The following FNDC3B variants were observed in gnomAD, a reference collection of about 807,000 sequenced individuals.
FNDC3B encodes fibronectin type III domain-containing protein 3B.
In FNDC3B, 12 loss-of-function variants were observed where a neutral mutation model predicts 151.5. The observed-to-expected ratio is 0.08, with a 90% confidence interval of 0.05 to 0.13. The LOEUF (loss-of-function observed/expected upper bound fraction) is 0.13, where lower values mean the gene tolerates loss of function less well. Ranked by LOEUF, FNDC3B falls within the 10% of genes least tolerant of loss-of-function variation. The pLI is 1.00. For missense variants in FNDC3B, 1,214 were observed against 1,505.3 expected, an observed-to-expected ratio of 0.81 and a Z score of 3.20; for synonymous variants, 528 against 549.0, an observed-to-expected ratio of 0.96 and a Z score of 0.54.
rs1310526640 is a variant in FNDC3B, at chr3:172,341,115, A to T, written c.1855A>T (p.Asn619Tyr). 6.2e-7 allele frequency: 1 copy of T among 1,609,590 alleles called. No homozygotes were observed. The highest frequency in any genetic ancestry group is 8.5e-7 in the Non-Finnish European group (1 of 1,175,944). The change falls in exon 17 of 26, where the codon AAT becomes TAT. Residue 619 changes from asparagine (N) to tyrosine (Y), a missense_variant and splice_region_variant. Around this residue, in one of 7 missense-constraint regions of FNDC3B, gnomAD observed 380 missense variants for 420.9 expected, o/e 0.90. Transcript: ENST00000415807. ...CATGCATAAGTCTTGTTTTACAGCG[A>T]ATCAGTGGGAAGTGGCCTACAGTGG... Reference protein sequence around the residue: ...LEITDGNSEANQWEVAYSGSA... With the variant: ...LEITDGNSEAYQWEVAYSGSA...
chr3:172,077,162 A>G (rs901828297), intron 1 of FNDC3B, among the ~76,000 whole-genome samples: 1 of 151,852 alleles, frequency 6.6e-6, no homozygotes, highest in Non-Finnish European at 1.5e-5. Flanking sequence ...TAAAAAAAAT[A>G]AAAAAAAGTG....
chr3:172,108,294 G>T (rs1170793769), intron 1 of FNDC3B, among the ~76,000 whole-genome samples: 1 of 152,162 alleles, frequency 6.6e-6, no homozygotes, highest in African/African-American at 2.4e-5. Context: ...AAACTGTCCT[G>T]AAATCCCTAA....
At chr3:172,098,097 C>T (rs1420569121) in intron 1 of FNDC3B, among the ~76,000 whole-genome samples, 2 of 151,630 alleles carry the variant, frequency 1.3e-5, no homozygotes, top group South Asian at 2.1e-4. Context: ...ATTTAATGGC[C>T]GTAAGATAAC....
chr3:172,347,190 A>G (rs79551426), intron 20 of FNDC3B, 22 bp from the exon 21 acceptor site: 78 of 1,600,124 alleles, frequency 4.9e-5, no homozygotes, highest in Non-Finnish European at 6.5e-5. Context: ...ATTATTAACT[A>G]CTTCCATTTC....
intron 2 of FNDC3B, among the ~76,000 whole-genome samples, chr3:172,113,175 A>G (rs1354266223): frequency 1.3e-5 from 2 of 152,234 alleles, no homozygotes; most frequent in Non-Finnish European, 2.9e-5. Context: ...ACAAATTATT[A>G]GGGATTGAAC....
chr3:172,137,885 T>C (rs1049371000), intron 3 of FNDC3B, among the ~76,000 whole-genome samples: 4 of 152,178 alleles, frequency 2.6e-5, no homozygotes, highest in African/African-American at 9.7e-5. Context: ...CTTGGCCAGA[T>C]CAAAGTGTAT....
intron 9 of FNDC3B, among the ~76,000 whole-genome samples, chr3:172,301,378 G>C (rs1730903307): frequency 6.6e-6 from 1 of 152,172 alleles, no homozygotes; most frequent in Non-Finnish European, 1.5e-5. Context: ...AAAACAAGGA[G>C]CAAAATCTCT....
intron 22 of FNDC3B, among the ~76,000 whole-genome samples, chr3:172,360,152 C>CT (rs1734294027): frequency 6.6e-6 from 1 of 152,132 alleles, no homozygotes; most frequent in East Asian, 1.9e-4. Flanking sequence ...CCTGCCAGCA[C>CT]TTTTTTAACA....
intron 23 of FNDC3B, among the ~76,000 whole-genome samples, chr3:172,367,182 A>G (rs1358870207): frequency 6.6e-6 from 1 of 152,240 alleles, no homozygotes; most frequent in African/African-American, 2.4e-5. Flanking sequence ...TGGAAGCCAC[A>G]TATATAAGGC....
chr3:172,221,431 A>G (rs1726274549), intron 3 of FNDC3B, among the ~76,000 whole-genome samples: 1 of 146,988 alleles, frequency 6.8e-6, no homozygotes, highest in Non-Finnish European at 1.5e-5. Flanking sequence ...GTCCCTAGAC[A>G]GCAGCATCCA....
intron 22 of FNDC3B, among the ~76,000 whole-genome samples, chr3:172,356,473 T>A (rs1465780504): frequency 6.6e-6 from 1 of 152,204 alleles, no homozygotes; most frequent in African/African-American, 2.4e-5. Flanking sequence ...AACTCAAAGA[T>A]GGGTTGTGAC....
chr3:172,291,271 C>T (rs934988080), intron 7 of FNDC3B, among the ~76,000 whole-genome samples: 4 of 152,140 alleles, frequency 2.6e-5, no homozygotes, highest in Non-Finnish European at 4.4e-5. Context: ...AATAAATAGA[C>T]GAGTGATTTC....
intron 19 of FNDC3B, among the ~76,000 whole-genome samples, chr3:172,344,731 G>A (rs1733521144): frequency 6.6e-6 from 1 of 152,174 alleles, no homozygotes; most frequent in Non-Finnish European, 1.5e-5. Flanking sequence ...AAAACTACAG[G>A]ACTCTCTCCT....
At chr3:172,045,761 T>C (rs994255469) in intron 1 of FNDC3B, among the ~76,000 whole-genome samples, 1 of 130,850 alleles carries the variant, frequency 7.6e-6, no homozygotes, top group Non-Finnish European at 1.6e-5. Flanking sequence ...TTTAGTTTAC[T>C]GAGTGTCTCT....
chr3:172,072,384 T>C (rs1175670777), intron 1 of FNDC3B, among the ~76,000 whole-genome samples: 1 of 151,896 alleles, frequency 6.6e-6, no homozygotes, highest in Non-Finnish European at 1.5e-5. Context: ...TGGCTATCAG[T>C]ATCTTGACCT....
chr3:172,349,121 C>T (rs1366769623), intron 21 of FNDC3B, among the ~76,000 whole-genome samples: 2 of 149,928 alleles, frequency 1.3e-5, no homozygotes, highest in African/African-American at 5.0e-5. Flanking sequence ...AAAACCCCTC[C>T]TCTACAAAAA....
intron 11 of FNDC3B, among the ~76,000 whole-genome samples, chr3:172,325,745 T>G (rs1732311240): frequency 6.6e-6 from 1 of 152,252 alleles, no homozygotes; most frequent in South Asian, 2.1e-4. Flanking sequence ...GTTCACTTGT[T>G]AACTTCTCAG....
intron 3 of FNDC3B, among the ~76,000 whole-genome samples, chr3:172,150,068 T>C (rs1436675809): frequency 1.3e-5 from 2 of 151,940 alleles, no homozygotes; most frequent in African/African-American, 4.8e-5. Context: ...CCACCCACCT[T>C]GGCCTCCAAA....
chr3:172,086,004 G>A (rs1215077125), intron 1 of FNDC3B, among the ~76,000 whole-genome samples: 1 of 152,108 alleles, frequency 6.6e-6, no homozygotes, highest in Non-Finnish European at 1.5e-5. Flanking sequence ...AATATTACTT[G>A]TAAAAAGTGA....
Sources: allele counts gnomAD v4.1 joint callset (sites outside exome capture counted in the v4.1 genomes callset), GRCh38; gene constraint gnomAD v4.1.1; regional missense constraint gnomAD v4.1.1; transcripts MANE v1.5; gene names NCBI Gene and HGNC (gene_info 2026-07-23, HGNC 2026-07-21).